The following ATP10B variants were observed in gnomAD, a reference collection of about 807,000 sequenced individuals.
The protein encoded by ATP10B is phospholipid-transporting ATPase VB.
A neutral mutation model predicts 141.2 loss-of-function variants in ATP10B; 122 were observed. The ratio of observed to expected loss-of-function variants is 0.86; its 90% CI spans 0.75 to 1.00. The LOEUF (loss-of-function observed/expected upper bound fraction) is 1.00. ATP10B is among the 50% of genes least tolerant of loss of function. The pLI is 0.00. For synonymous variants in ATP10B, 685 were observed against 692.0 expected (o/e 0.99, Z 0.16); for missense variants, 1,876 against 1,825.3 (o/e 1.03, Z -0.51).
chr5:160,623,792 T>C (rs556950125), intron 13 of ATP10B, among the ~76,000 whole-genome samples: 26 of 152,218 alleles, frequency 1.7e-4, no homozygotes, highest in Non-Finnish European at 3.4e-4. Flanking sequence ...GTGGTGGCAA[T>C]GGCAGTGGTG....
intron 9 of ATP10B, among the ~76,000 whole-genome samples, chr5:160,642,817 A>T (rs1057257207): frequency 2.0e-5 from 3 of 152,180 alleles, no homozygotes; most frequent in Non-Finnish European, 2.9e-5. Flanking sequence ...TGAAAGTTCA[A>T]CCATCCTGTT....
intron 2 of ATP10B, among the ~76,000 whole-genome samples, chr5:160,718,714 T>C (rs76133016): frequency 2.3e-3 from 354 of 152,232 alleles, no homozygotes; most frequent in Admixed American, 3.7e-3. Context: ...AGTATCATCA[T>C]AGCAAGAACT....
In ATP10B at chr5:160,565,091, G is replaced by C. The variant is rs1256954798; in HGVS notation, c.*362C>G. Reference sequence around the variant, plus strand: ...CATATCCTGAGATATTGCCTGGGTTGATACACTTCTTGAATCTTGGAAACT... The same window carrying C: ...CATATCCTGAGATATTGCCTGGGTTCATACACTTCTTGAATCTTGGAAACT... On this transcript the variant is annotated 3_prime_UTR_variant, in exon 26 of 26. Coordinates refer to ENST00000327245, the MANE Select transcript of ATP10B (RefSeq NM_025153.3). 3 of 226,204 alleles carry C rather than the reference G, an allele frequency of 1.3e-5. No individual in the cohort carries two copies. Among genetic ancestry groups the C allele is most frequent in the Admixed American group, 1.0e-4 (2 of 19,422 alleles). 14.0% of individuals were successfully genotyped at this position (226,204 alleles called of 1,614,324 possible).
chr5:160,890,468 C>A, the ATP10B span, among the ~76,000 whole-genome samples: 37 of 152,330 alleles, frequency 2.4e-4, no homozygotes, highest in Non-Finnish European at 4.0e-4. Context: ...CAGTCCCTGG[C>A]AACCACTCAG....
At chr5:160,720,854 C>G (rs892750062) in intron 2 of ATP10B, among the ~76,000 whole-genome samples, 95 of 152,186 alleles carry the variant, frequency 6.2e-4, no homozygotes, top group African/African-American at 2.3e-3. Context: ...TTGCATGCTG[C>G]TTACAAAGGT....
chr5:160,888,896 A>C, the ATP10B span, among the ~76,000 whole-genome samples: 2 of 152,322 alleles, frequency 1.3e-5, no homozygotes, highest in South Asian at 2.1e-4. Flanking sequence ...GAATCCATTA[A>C]AAGTGTTGCT....
chr5:160,733,902 G>A (rs12521012), intron 2 of ATP10B, among the ~76,000 whole-genome samples: 37,049 of 151,240 alleles, frequency 0.24, 4,753 homozygotes, highest in East Asian at 0.47. Flanking sequence ...TCAAGAGATC[G>A]AGACCATCCT....
chr5:160,680,652 ACTAT>A lies in ATP10B; in HGVS notation c.470+5423_470+5426del, dbSNP rs141183648. Among the ~76,000 whole-genome samples the A allele has an allele frequency of 6.9e-3, 1,050 of 152,290 alleles. 10 individuals are homozygous for A. Among genetic ancestry groups the A allele is most frequent in the African/African-American group, 0.024 (980 of 41,550 alleles). On this transcript the variant is annotated intron_variant, in intron 6 of 25. Transcript: ENST00000327245. Reference sequence around the variant, plus strand: ...ACATCTGTTCCTCATTCTGCTGGAAACTATCTTATTTTTAAAAAAACTTTGGCTT... The same window carrying A: ...ACATCTGTTCCTCATTCTGCTGGAAACTTATTTTTAAAAAAACTTTGGCTT...
intron 6 of ATP10B, among the ~76,000 whole-genome samples, chr5:160,675,596 C>A (rs1762978771): frequency 6.6e-6 from 1 of 152,138 alleles, no homozygotes; most frequent in African/African-American, 2.4e-5. Flanking sequence ...GTGGAACTTC[C>A]CATTCCACAC....
chr5:160,652,882 T>TAC (rs1163998995), intron 7 of ATP10B, among the ~76,000 whole-genome samples: 1,463 of 89,824 alleles, frequency 0.016, 73 homozygotes, highest in Non-Finnish European at 0.021. Context: ...ATATAATATA[T>TAC]ATATAATTAT....
chr5:160,609,095 A>C (rs1757566240), intron 18 of ATP10B, among the ~76,000 whole-genome samples: 1 of 152,156 alleles, frequency 6.6e-6, no homozygotes, highest in Non-Finnish European at 1.5e-5. Flanking sequence ...ATCCATCTTG[A>C]ATTAATATTA....
At chr5:160,903,441 C>G in the ATP10B span, among the ~76,000 whole-genome samples, 3 of 152,174 alleles carry the variant, frequency 2.0e-5, no homozygotes, top group Non-Finnish European at 4.4e-5. Context: ...CACATTTTGT[C>G]TGCACTGGGA....
At chr5:160,777,910 A>C (rs935905468) in intron 2 of ATP10B, among the ~76,000 whole-genome samples, 63 of 152,200 alleles carry the variant, frequency 4.1e-4, no homozygotes, top group African/African-American at 1.5e-3. Flanking sequence ...CTAATATAAC[A>C]CAATCTCTAA....
intron 13 of ATP10B, among the ~76,000 whole-genome samples, chr5:160,625,502 G>A (rs1314990824): frequency 6.6e-6 from 1 of 152,198 alleles, no homozygotes; most frequent in Non-Finnish European, 1.5e-5. Context: ...ACTTGGAGAT[G>A]TCAAAGCTAA....
chr5:160,848,531 T>G (rs1399852621), intron 1 of ATP10B, among the ~76,000 whole-genome samples: 2 of 152,230 alleles, frequency 1.3e-5, no homozygotes, highest in African/African-American at 4.8e-5. Context: ...ATTTTGCTAA[T>G]CCACGTGCCA....
intron 2 of ATP10B, among the ~76,000 whole-genome samples, chr5:160,776,559 G>C (rs898856630): frequency 1.3e-5 from 2 of 152,174 alleles, no homozygotes; most frequent in Non-Finnish European, 2.9e-5. Flanking sequence ...GTACCAGGTT[G>C]ACACAGCTAC....
At chr5:160,627,503 C>T (rs1426524624) in intron 13 of ATP10B, among the ~76,000 whole-genome samples, 1 of 152,094 alleles carries the variant, frequency 6.6e-6, no homozygotes, top group Non-Finnish European at 1.5e-5. Flanking sequence ...AGAAGCAGGC[C>T]CTTCTGTTTG....
intron 22 of ATP10B, among the ~76,000 whole-genome samples, chr5:160,597,671 T>C (rs908424599): frequency 7.2e-5 from 11 of 152,104 alleles, no homozygotes; most frequent in African/African-American, 2.4e-4. Context: ...ATATTCAGAA[T>C]CTACAATGAA....
chr5:160,907,221 TAATA>T, the ATP10B span, among the ~76,000 whole-genome samples: 1 of 152,186 alleles, frequency 6.6e-6, no homozygotes, highest in African/African-American at 2.4e-5. Flanking sequence ...GAAATCTTTC[TAATA>T]AATTTCATAT....
Sources: gnomAD v4.1 joint callset for allele counts (sites outside exome capture counted in the v4.1 genomes callset) on GRCh38, gnomAD v4.1.1 for gene constraint, MANE v1.5 for transcripts, NCBI Gene and HGNC (gene_info 2026-07-23, HGNC 2026-07-21) for gene names.